Variants in ZNF487 observed in about 807,000 individuals in gnomAD.
The protein encoded by ZNF487 is zinc finger protein 487, also known as KRAB domain only 1.
A neutral mutation model predicts 3.0 loss-of-function variants in ZNF487; 4 were observed. That is an observed-to-expected ratio of 1.35 (90% CI 0.66 to 3.08). The LOEUF is 3.08. Among genes scored for constraint, ZNF487 ranks in the 30% most tolerant of loss-of-function variants. The probability of loss-of-function intolerance (pLI) is 0.01; values close to 1 mark genes in which losing one functional copy is unlikely to be tolerated. For synonymous variants in ZNF487, 55 were observed against 34.6 expected (o/e 1.59, Z -2.06); for missense variants, 146 against 98.7 (o/e 1.48, Z -2.03).
At chr10:43,476,029 T>G in intron 2 of ZNF487, 78 bp from the exon 3 acceptor site, 1 of 696,828 alleles carries the variant, frequency 1.4e-6, no homozygotes, top group Non-Finnish European at 2.7e-6. Flanking sequence ...AATGCTCAAG[T>G]GGACCTATTT....
downstream of ZNF487, among the ~76,000 whole-genome samples, chr10:43,485,632 T>C (rs1841464415): frequency 6.6e-6 from 1 of 152,236 alleles, no homozygotes; most frequent in South Asian, 2.1e-4. Flanking sequence ...AATCAAAATA[T>C]TGTAGTCTAG....
chr10:43,465,995 G>A (rs1214643491), intron 1 of ZNF487, among the ~76,000 whole-genome samples: 2 of 152,192 alleles, frequency 1.3e-5, no homozygotes, highest in African/African-American at 4.8e-5. Context: ...AGACCAGCCC[G>A]GCCAACCCAG....
chr10:43,516,595 C>G, the ZNF487 span, among the ~76,000 whole-genome samples: 3 of 152,170 alleles, frequency 2.0e-5, no homozygotes, highest in Non-Finnish European at 2.9e-5. Context: ...GTCCAAATTG[C>G]AAAACTGAAG....
At chr10:43,446,104 G>C in intron 1 of ZNF487, among the ~76,000 whole-genome samples, 1 of 152,212 alleles carries the variant, frequency 6.6e-6, no homozygotes, top group Non-Finnish European at 1.5e-5. Context: ...GTAACAATCT[G>C]ATCTCTCTTT....
the ZNF487 span, among the ~76,000 whole-genome samples, chr10:43,497,489 A>C: frequency 2.0e-5 from 3 of 152,296 alleles, no homozygotes; most frequent in Non-Finnish European, 2.9e-5. Flanking sequence ...GAGGGGTGGC[A>C]GATTGGGGAG....
chr10:43,481,332 C>CA (rs58434594), intron 3 of ZNF487, 97 bp from the exon 4 acceptor site: 74,670 of 443,016 alleles, frequency 0.17, 1,517 homozygotes, highest in East Asian at 0.27. Context: ...GACACTGTGC[C>CA]AAAAAAAAAA....
At chr10:43,509,518 C>T in the ZNF487 span, among the ~76,000 whole-genome samples, 2 of 149,550 alleles carry the variant, frequency 1.3e-5, no homozygotes, top group African/African-American at 5.0e-5. Context: ...CACACAAACA[C>T]AAGGCCCCAC....
chr10:43,517,145 C>CAA, the ZNF487 span, among the ~76,000 whole-genome samples: 1 of 152,234 alleles, frequency 6.6e-6, no homozygotes, highest in Admixed American at 6.5e-5. Context: ...AAGGAGCACA[C>CAA]AAAAAGTGGT....
the ZNF487 span, among the ~76,000 whole-genome samples, chr10:43,504,109 A>G: frequency 6.6e-6 from 1 of 152,202 alleles, no homozygotes; most frequent in African/African-American, 2.4e-5. Context: ...ATACCTAATG[A>G]CATATTTCTC....
At chr10:43,494,362 A>G in the ZNF487 span, among the ~76,000 whole-genome samples, 9 of 152,096 alleles carry the variant, frequency 5.9e-5, no homozygotes, top group Non-Finnish European at 1.3e-4. Context: ...AAATGTAACA[A>G]CCATTCCTGG....
the ZNF487 span, among the ~76,000 whole-genome samples, chr10:43,491,514 C>T: frequency 6.6e-6 from 1 of 151,476 alleles, no homozygotes; most frequent in African/African-American, 2.4e-5. Flanking sequence ...CCCTTCTGAG[C>T]TCCAGAACCA....
At chr10:43,448,527 T>C (rs1171684829) in intron 1 of ZNF487, among the ~76,000 whole-genome samples, 6 of 151,852 alleles carry the variant, frequency 4.0e-5, no homozygotes, top group Non-Finnish European at 1.5e-5. Flanking sequence ...TTTAAGGAGA[T>C]GGGGTCGGCT....
chr10:43,508,057 T>G, the ZNF487 span, among the ~76,000 whole-genome samples: 1 of 152,180 alleles, frequency 6.6e-6, no homozygotes, highest in African/African-American at 2.4e-5. Flanking sequence ...TGCCCGAGCC[T>G]CCATTGCAAG....
At chr10:43,450,504 T>C (rs1405368552) in intron 1 of ZNF487, among the ~76,000 whole-genome samples, 1 of 151,992 alleles carries the variant, frequency 6.6e-6, no homozygotes, top group Non-Finnish European at 1.5e-5. Context: ...AGGAATGTGC[T>C]ACCACACCTG....
chr10:43,452,440 C>T (rs1419979692), intron 1 of ZNF487: 1 of 152,238 alleles, frequency 6.6e-6, no homozygotes, highest in Non-Finnish European at 1.5e-5. Context: ...GGTCTTGTGT[C>T]ACCCAGGCTG....
chr10:43,473,585 C>T (rs1257416247), intron 1 of ZNF487, among the ~76,000 whole-genome samples: 1 of 151,878 alleles, frequency 6.6e-6, no homozygotes. Flanking sequence ...GTGGCGCGAT[C>T]TCAGCTCACT....
chr10:43,437,088 C>T (rs911584448), upstream of ZNF487: 2 of 302,960 alleles, frequency 6.6e-6, no homozygotes, highest in African/African-American at 2.4e-5. Context: ...TCGCGCAGGC[C>T]CCGCCCCTCG....
At position 43,468,679 on chromosome 10, in the gene ZNF487, CAAAAAAAAAAAA is replaced by C. The variant is rs71016773; in HGVS notation, c.-93-7028_-93-7017del. ...GGGCACCAAGAGTGAAACTCTGTCT[CAAAAAAAAAAAA>C]AAAAAAAAAAAAAGGCCGGGCGCAG... On this transcript the variant is annotated intron_variant, in intron 1 of 3. Transcript: ENST00000437590. Among the ~76,000 whole-genome samples the C allele has an allele frequency of 1.1e-4, 4 of 36,042 alleles. No homozygotes were observed. In the South Asian group the frequency reaches 5.0e-3, roughly 45 times the overall value. 23.6% of individuals were successfully genotyped at this position (36,042 alleles called of 152,430 possible). A position where few individuals can be genotyped will look rare whatever the true frequency, so the allele number is the denominator to read the frequency against.
intron 1 of ZNF487, among the ~76,000 whole-genome samples, chr10:43,450,117 C>T (rs759994634): frequency 1.3e-5 from 2 of 152,180 alleles, no homozygotes; most frequent in Non-Finnish European, 2.9e-5. Flanking sequence ...GTTCTTGGCT[C>T]ACTGCAACCT....
Sources: gnomAD v4.1 joint callset for allele counts (sites outside exome capture counted in the v4.1 genomes callset) on GRCh38, gnomAD v4.1.1 for gene constraint, MANE v1.5 for transcripts, NCBI Gene and HGNC (gene_info 2026-07-23, HGNC 2026-07-21) for gene names.